The following TENM1 variants were observed in gnomAD, a reference collection of about 807,000 sequenced individuals.
TENM1 encodes teneurin-1.
TENM1 carries 35 observed loss-of-function variants against 174.8 expected under a neutral mutation model. The ratio of observed to expected loss-of-function variants is 0.20; its 90% CI spans 0.15 to 0.27. TENM1 has a LOEUF of 0.27. TENM1 is among the 10% of genes least tolerant of loss of function. The pLI, the probability that TENM1 is intolerant of heterozygous loss-of-function variation, is 1.00. For synonymous variants in TENM1, 781 were observed against 798.7 expected (o/e 0.98, Z 0.37); for missense variants, 1,633 against 2,130.1 (o/e 0.77, Z 4.59).
chrX:124,788,285 G>A (rs1226931317), intron 3 of TENM1, among the ~76,000 whole-genome samples: 3 of 110,815 alleles, frequency 2.7e-5, no homozygotes, highest in East Asian at 2.8e-4. Flanking sequence ...TATAACACAC[G>A]GAAATTATGG....
chrX:124,559,506 A>T (rs1025359651), intron 14 of TENM1, among the ~76,000 whole-genome samples: 2 of 110,015 alleles, frequency 1.8e-5, no homozygotes, highest in African/African-American at 3.3e-5. Flanking sequence ...TGTTTCTATT[A>T]AAATTATAGA....
Position 124,679,406 on chromosome X carries a change from T to C in TENM1, c.1016-7571A>G, listed in dbSNP as rs2052175555. Among the ~76,000 whole-genome samples, 3 of 111,547 alleles carry C rather than the reference T, an allele frequency of 2.7e-5. No individual in the cohort carries two copies. In the South Asian group the frequency reaches 1.1e-3, roughly 42 times the overall value. On this transcript the variant is annotated intron_variant, in intron 5 of 31. Transcript: ENST00000422452. ...ATATATACGAAGTACATTACCCAGA[T>C]GGTGACCCCTGATGACTTCAGGCTT...
chrX:124,649,631 G>T lies in TENM1; in HGVS notation c.1579+2283C>A, dbSNP rs138376256. Reference sequence around the variant, plus strand: ...CAGAGCAAGTTGCCTGAGATTAAGGGATACTGACAATGCTGCCTATACTAC... The same window carrying T: ...CAGAGCAAGTTGCCTGAGATTAAGGTATACTGACAATGCTGCCTATACTAC... On this transcript the variant is annotated intron_variant, in intron 8 of 31. Transcript: ENST00000422452. Among the ~76,000 whole-genome samples, 94 of 112,008 alleles carry T rather than the reference G, an allele frequency of 8.4e-4. 4 individuals are homozygous for T. In the East Asian group the frequency reaches 0.024, roughly 28 times the overall value.
At chrX:124,498,970 C>T (rs2047265820) in intron 19 of TENM1, among the ~76,000 whole-genome samples, 1 of 110,920 alleles carries the variant, frequency 9.0e-6, no homozygotes, top group Admixed American at 9.7e-5. Flanking sequence ...TTTTGCAAAC[C>T]TGCTGAGCCT....
At chrX:124,432,750 A>G (rs2060794648) in intron 23 of TENM1, among the ~76,000 whole-genome samples, 1 of 111,759 alleles carries the variant, frequency 8.9e-6, no homozygotes, top group South Asian at 3.7e-4. Flanking sequence ...ATCTGAGTAC[A>G]TTGCTGTTTA....
intron 3 of TENM1, among the ~76,000 whole-genome samples, chrX:124,767,568 T>C (rs1457071477): frequency 9.0e-6 from 1 of 111,697 alleles, no homozygotes; most frequent in African/African-American, 3.2e-5. Context: ...CTATTCTTTT[T>C]TACACCGAAG....
chrX:124,679,388 C>T (rs1461488207), intron 5 of TENM1, among the ~76,000 whole-genome samples: 2 of 111,497 alleles, frequency 1.8e-5, no homozygotes, highest in Non-Finnish European at 3.8e-5. Flanking sequence ...GAAATATATA[C>T]GAAGTACATT....
the TENM1 span, among the ~76,000 whole-genome samples, chrX:125,041,094 T>G: frequency 5.5e-4 from 61 of 111,757 alleles, no homozygotes; most frequent in Non-Finnish European, 3.4e-4. Context: ...TCTTAGAAAT[T>G]GTATGTCTTG....
the TENM1 span, among the ~76,000 whole-genome samples, chrX:125,031,390 T>C: frequency 1.8e-5 from 2 of 112,105 alleles, no homozygotes; most frequent in African/African-American, 6.5e-5. Flanking sequence ...CTTAAGTAAA[T>C]GGCAATTGAT....
rs770832029 is a variant in TENM1 at position 124,787,886 on chromosome X, A to G, written c.536-50689T>C. 2.7e-5 allele frequency among the ~76,000 whole-genome samples: 3 copies of G among 111,848 alleles called. No individual in the cohort carries two copies. In the South Asian group the frequency reaches 1.1e-3, roughly 42 times the overall value. On this transcript the variant is annotated intron_variant, in intron 3 of 31. Coordinates refer to ENST00000422452, the Ensembl canonical transcript of TENM1. ...CACTGCTGATAAAGACATACCTGAGACTGGACAATTTACAAAAGAAAGCGG... is the reference window on the plus strand; with the variant it reads ...CACTGCTGATAAAGACATACCTGAGGCTGGACAATTTACAAAAGAAAGCGG...
the TENM1 span, among the ~76,000 whole-genome samples, chrX:125,198,645 C>T: frequency 1.8e-5 from 2 of 111,226 alleles, no homozygotes; most frequent in African/African-American, 6.5e-5. Flanking sequence ...AATTCAATTC[C>T]CCAGCCTTTT....
At chrX:124,731,045 AAAG>A (rs2053553423) in intron 4 of TENM1, among the ~76,000 whole-genome samples, 2 of 111,513 alleles carry the variant, frequency 1.8e-5, no homozygotes, top group Non-Finnish European at 3.8e-5. Flanking sequence ...TTGGATTTCA[AAAG>A]AACAGGTGCC....
intron 11 of TENM1, among the ~76,000 whole-genome samples, chrX:124,582,636 A>T (rs1370117189): frequency 8.9e-6 from 1 of 112,009 alleles, no homozygotes; most frequent in East Asian, 2.8e-4. Context: ...CTGCATTTCC[A>T]TCTGAGATAC....
chrX:124,689,682 C>T (rs1368612919), intron 5 of TENM1, among the ~76,000 whole-genome samples: 1 of 110,794 alleles, frequency 9.0e-6, no homozygotes, highest in Non-Finnish European at 1.9e-5. Context: ...AGAAATAATA[C>T]AATAAGCCCT....
At chrX:124,816,613 T>C (rs1291921959) in intron 3 of TENM1, among the ~76,000 whole-genome samples, 1 of 111,726 alleles carries the variant, frequency 9.0e-6, no homozygotes, top group African/African-American at 3.2e-5. Context: ...GCCCAGCCAC[T>C]GTACTCATAA....
chrX:124,747,647 T>C (rs187297527), intron 3 of TENM1, among the ~76,000 whole-genome samples: 6 of 109,417 alleles, frequency 5.5e-5, no homozygotes, highest in African/African-American at 2.0e-4. Flanking sequence ...CTTGTGAAAA[T>C]ACATATGTAT....
intron 1 of TENM1, among the ~76,000 whole-genome samples, chrX:124,956,332 G>A (rs1337092602): frequency 8.9e-6 from 1 of 112,215 alleles, no homozygotes; most frequent in African/African-American, 3.2e-5. Flanking sequence ...AAAGAACTTT[G>A]TACAGATAAG....
At chrX:125,139,358 A>T in the TENM1 span, among the ~76,000 whole-genome samples, 1 of 111,128 alleles carries the variant, frequency 9.0e-6, no homozygotes, top group Non-Finnish European at 1.9e-5. Context: ...ATCATAAGAT[A>T]TGAAGACTCT....
intron 12 of TENM1, 130 bp downstream of exon 15, chrX:124,565,245 T>C (rs1338085645): frequency 2.4e-6 from 1 of 409,646 alleles, no homozygotes; most frequent in Non-Finnish European, 4.0e-6. Flanking sequence ...CTTTAAAACT[T>C]GTAACCAACC....
Sources: gnomAD v4.1 joint callset for allele counts (sites outside exome capture counted in the v4.1 genomes callset) on GRCh38, gnomAD v4.1.1 for gene constraint, MANE v1.5 for transcripts, NCBI Gene and HGNC (gene_info 2026-07-23, HGNC 2026-07-21) for gene names.